Variants in EPHA3 observed in about 807,000 individuals in gnomAD.
EPHA3 encodes ephrin type-A receptor 3.
A neutral mutation model predicts 107.1 loss-of-function variants in EPHA3; 42 were observed. The ratio of observed to expected loss-of-function variants is 0.39; its 90% CI spans 0.31 to 0.51. The LOEUF is 0.51. Among genes scored for constraint, EPHA3 ranks in the 20% least tolerant of loss-of-function variants. EPHA3 has a pLI of 0.78. For missense variants in EPHA3, 1,183 were observed against 1,211.2 expected, an observed-to-expected ratio of 0.98 and a Z score of 0.35; for synonymous variants, 461 against 424.8, an observed-to-expected ratio of 1.09 and a Z score of -1.05.
chr3:89,134,371 C>A (rs1414633100), intron 2 of EPHA3, among the ~76,000 whole-genome samples: 1 of 152,070 alleles, frequency 6.6e-6, no homozygotes, highest in African/African-American at 2.4e-5. Context: ...TCCCCACTCC[C>A]CGCATCCCAC....
chr3:89,222,351 A>G lies in EPHA3; in HGVS notation c.814+11831A>G, dbSNP rs28655233. Among the ~76,000 whole-genome samples the G allele has an allele frequency of 1.5e-5, 2 of 131,372 alleles. 1 individual carries two copies. Among genetic ancestry groups the G allele is most frequent in the African/African-American group, 5.3e-5 (2 of 37,492 alleles). 86.2% of individuals were successfully genotyped at this position (131,372 alleles called of 152,430 possible). On this transcript the variant is annotated intron_variant, in intron 3 of 16. Transcript: ENST00000336596. ...CATATATATATATATATATATATAT[A>G]TATGTATATGTATATGTATATACCT... is the stretch of plus-strand genomic sequence containing the variant.
intron 1 of EPHA3, among the ~76,000 whole-genome samples, chr3:89,122,092 A>G (rs1707404399): frequency 6.6e-6 from 1 of 152,220 alleles, no homozygotes. Context: ...TGTGACATTT[A>G]AATATACTTA....
intron 3 of EPHA3, among the ~76,000 whole-genome samples, chr3:89,288,775 G>A (rs1346256420): frequency 9.9e-5 from 15 of 152,248 alleles, no homozygotes; most frequent in Middle Eastern, 3.4e-3. Context: ...TACAAGAAAA[G>A]GAGGCATTGT....
At chr3:89,351,384 G>T (rs1166827949) in intron 5 of EPHA3, among the ~76,000 whole-genome samples, 3 of 150,786 alleles carry the variant, frequency 2.0e-5, no homozygotes, top group Admixed American at 6.6e-5. Context: ...GATTTTCCAG[G>T]TGCGTCCGTC....
chr3:89,459,990 A>T (rs1004879566), intron 15 of EPHA3, among the ~76,000 whole-genome samples: 1 of 152,232 alleles, frequency 6.6e-6, no homozygotes, highest in African/African-American at 2.4e-5. Context: ...AGATTATAAT[A>T]TAACTTCTAG....
intron 1 of EPHA3, among the ~76,000 whole-genome samples, chr3:89,113,356 G>T (rs1707160423): frequency 6.6e-6 from 1 of 151,830 alleles, no homozygotes; most frequent in South Asian, 2.1e-4. Flanking sequence ...TGCGCCACTT[G>T]CTTGATTTCA....
chr3:89,184,764 G>A (rs574157047), intron 2 of EPHA3, among the ~76,000 whole-genome samples: 29 of 152,090 alleles, frequency 1.9e-4, no homozygotes, highest in African/African-American at 6.3e-4. Flanking sequence ...AAGAGGGAAT[G>A]TTTTCCAGCA....
chr3:89,327,942 A>T (rs1397830893), intron 3 of EPHA3, among the ~76,000 whole-genome samples: 1 of 151,916 alleles, frequency 6.6e-6, no homozygotes, highest in East Asian at 1.9e-4. Flanking sequence ...CACTAAAAAT[A>T]CAAAAATAAG....
intron 9 of EPHA3, among the ~76,000 whole-genome samples, chr3:89,412,562 T>G (rs1709175828): frequency 6.6e-6 from 1 of 151,694 alleles, no homozygotes; most frequent in Admixed American, 6.6e-5. Context: ...TGTATACACA[T>G]ACTAACAGCT....
At chr3:89,412,919 A>G (rs1472892823) in intron 9 of EPHA3, among the ~76,000 whole-genome samples, 1 of 151,690 alleles carries the variant, frequency 6.6e-6, no homozygotes, top group Non-Finnish European at 1.5e-5. Context: ...AAAGCTCCTC[A>G]TTGTGGTTCC....
intron 7 of EPHA3, among the ~76,000 whole-genome samples, chr3:89,403,505 T>A (rs915363113): frequency 6.6e-5 from 10 of 151,542 alleles, no homozygotes; most frequent in African/African-American, 2.4e-4. Flanking sequence ...AAAAAAAAAA[T>A]ACTAAGCTAA....
At chr3:89,261,183 A>G (rs1239121192) in intron 3 of EPHA3, among the ~76,000 whole-genome samples, 4 of 152,194 alleles carry the variant, frequency 2.6e-5, no homozygotes, top group Admixed American at 6.5e-5. Context: ...AATCTGCTAA[A>G]AATTATTTTA....
chr3:89,248,272 A>T (rs1705081990), intron 3 of EPHA3, among the ~76,000 whole-genome samples: 1 of 152,100 alleles, frequency 6.6e-6, no homozygotes, highest in South Asian at 2.1e-4. Context: ...CAGACAGATG[A>T]TGATTTTTCT....
chr3:89,428,080 A>G (rs1466918442), intron 11 of EPHA3, among the ~76,000 whole-genome samples: 1 of 152,032 alleles, frequency 6.6e-6, no homozygotes, highest in East Asian at 1.9e-4. Context: ...ACATGCAATA[A>G]CTGACTAAAT....
intron 13 of EPHA3, among the ~76,000 whole-genome samples, chr3:89,441,015 T>C (rs1709771718): frequency 6.6e-6 from 1 of 152,226 alleles, no homozygotes; most frequent in Non-Finnish European, 1.5e-5. Flanking sequence ...AGCTGTTAGA[T>C]AAAACTGAAT....
At chr3:89,309,196 G>C (rs1706705313) in intron 3 of EPHA3, among the ~76,000 whole-genome samples, 1 of 152,114 alleles carries the variant, frequency 6.6e-6, no homozygotes, top group Non-Finnish European at 1.5e-5. Flanking sequence ...ATTGGTAGGA[G>C]TTAGAGAATG....
chr3:89,160,696 C>T (rs1704916021), intron 2 of EPHA3, among the ~76,000 whole-genome samples: 1 of 151,792 alleles, frequency 6.6e-6, no homozygotes, highest in Non-Finnish European at 1.5e-5. Flanking sequence ...AACCCTAAAG[C>T]TTTCTTCAAT....
At chr3:89,317,466 A>G (rs1200157450) in intron 3 of EPHA3, among the ~76,000 whole-genome samples, 4 of 151,832 alleles carry the variant, frequency 2.6e-5, no homozygotes, top group African/African-American at 9.7e-5. Context: ...AAAGCAAAGT[A>G]GCAAAATATT....
intron 3 of EPHA3, among the ~76,000 whole-genome samples, chr3:89,297,643 G>A (rs1050832664): frequency 2.0e-5 from 3 of 152,122 alleles, no homozygotes; most frequent in Non-Finnish European, 2.9e-5. Flanking sequence ...GATGCTGTTG[G>A]AAAAAGTGGT....
Sources: gnomAD v4.1 joint callset for allele counts (sites outside exome capture counted in the v4.1 genomes callset) on GRCh38, gnomAD v4.1.1 for gene constraint, MANE v1.5 for transcripts, NCBI Gene and HGNC (gene_info 2026-07-23, HGNC 2026-07-21) for gene names.